Variants in SORCS3 observed in about 807,000 individuals in gnomAD.
The protein encoded by SORCS3 is sortilin related VPS10 domain containing receptor 3.
Under a neutral mutation model 146.3 loss-of-function variants are expected in SORCS3, and 57 were observed. The ratio of observed to expected loss-of-function variants is 0.39; its 90% confidence interval spans 0.31 to 0.49. The LOEUF (loss-of-function observed/expected upper bound fraction) is 0.49, where lower values mean the gene tolerates loss of function less well. Ranked by LOEUF, SORCS3 falls within the 20% of genes least tolerant of loss-of-function variation. The pLI, the probability that SORCS3 is intolerant of heterozygous loss-of-function variation, is 0.92. For synonymous variants in SORCS3, 653 were observed against 618.5 expected (o/e 1.06, Z -0.83); for missense variants, 1,341 against 1,575.5 (o/e 0.85, Z 2.52).
intron 14 of SORCS3, among the ~76,000 whole-genome samples, chr10:105,196,555 A>G (rs1037359715): frequency 8.5e-5 from 13 of 152,234 alleles, no homozygotes; most frequent in African/African-American, 3.1e-4. Flanking sequence ...CAGTGAGCCA[A>G]GATTGCACCA....
chr10:104,942,581 A>G (rs887840186), intron 3 of SORCS3, among the ~76,000 whole-genome samples: 60 of 152,240 alleles, frequency 3.9e-4, no homozygotes, highest in African/African-American at 1.1e-3. Flanking sequence ...CAAAATATAA[A>G]GATAACATAT....
At chr10:105,137,612 G>A (rs1247885942) in intron 7 of SORCS3, among the ~76,000 whole-genome samples, 2 of 152,138 alleles carry the variant, frequency 1.3e-5, no homozygotes, top group African/African-American at 4.8e-5. Flanking sequence ...GCAAATTGTT[G>A]TTAAAAGTCT....
chr10:104,764,955 G>A (rs1369084497), intron 1 of SORCS3, among the ~76,000 whole-genome samples: 1 of 152,180 alleles, frequency 6.6e-6, no homozygotes, highest in Non-Finnish European at 1.5e-5. Flanking sequence ...ATTTGTGCCT[G>A]AAGGCATGAG....
rs147079792 is a variant in SORCS3 at position 105,133,699 on chromosome 10, T to C, written c.1213-5698T>C. 1.7e-3 allele frequency among the ~76,000 whole-genome samples: 262 copies of C among 152,250 alleles called. 2 individuals are homozygous for C. The South Asian group carries it at 0.032, about 19-fold the overall frequency. On this transcript the variant is annotated intron_variant, in intron 7 of 26. Transcript: ENST00000369701. ...GCTCATATCTACAATTCCAGCACTT[T>C]GGGAGGCTGAGGCAGAAGGCTGCTT...
At chr10:104,893,832 C>T (rs1021984927) in intron 2 of SORCS3, among the ~76,000 whole-genome samples, 9 of 152,336 alleles carry the variant, frequency 5.9e-5, no homozygotes, top group Middle Eastern at 3.4e-3. Flanking sequence ...GCTTTCTGCT[C>T]TTCCGAGACT....
At chr10:104,787,918 C>G (rs537921399) in intron 1 of SORCS3, among the ~76,000 whole-genome samples, 1 of 152,160 alleles carries the variant, frequency 6.6e-6, no homozygotes, top group East Asian at 1.9e-4. Flanking sequence ...ATTTTTATGA[C>G]TCCATTTTCT....
At chr10:104,711,326 C>G (rs1224935344) in intron 1 of SORCS3, among the ~76,000 whole-genome samples, 1 of 152,180 alleles carries the variant, frequency 6.6e-6, no homozygotes, top group East Asian at 1.9e-4. Flanking sequence ...GAATGAACAT[C>G]TGTAATTTAC....
At chr10:104,786,172 A>C (rs895434343) in intron 1 of SORCS3, among the ~76,000 whole-genome samples, 1 of 151,782 alleles carries the variant, frequency 6.6e-6, no homozygotes, top group Non-Finnish European at 1.5e-5. Context: ...TTTAGTTTCT[A>C]TATGTCAAGT....
intron 1 of SORCS3, among the ~76,000 whole-genome samples, chr10:104,838,927 G>A (rs143579002): frequency 1.3e-5 from 2 of 152,178 alleles, no homozygotes; most frequent in Non-Finnish European, 1.5e-5. Context: ...AATGGGAGGA[G>A]CACTACCTTG....
At chr10:104,881,735 C>T (rs1589534599) in intron 2 of SORCS3, among the ~76,000 whole-genome samples, 1 of 152,072 alleles carries the variant, frequency 6.6e-6, no homozygotes. Flanking sequence ...TAGTAACTTG[C>T]GTCAAAAACC....
intron 2 of SORCS3, among the ~76,000 whole-genome samples, chr10:104,878,530 G>A (rs1343944441): frequency 2.6e-5 from 4 of 152,108 alleles, no homozygotes; most frequent in African/African-American, 7.2e-5. Flanking sequence ...ATCTTTAATT[G>A]TGTGTGCACA....
At chr10:105,186,030 A>T (rs1436096977) in intron 14 of SORCS3, among the ~76,000 whole-genome samples, 1 of 152,086 alleles carries the variant, frequency 6.6e-6, no homozygotes. Flanking sequence ...CTATTTTCTT[A>T]TCAATGGAAA....
At chr10:104,657,747 T>C (rs1474014097) in intron 1 of SORCS3, among the ~76,000 whole-genome samples, 1 of 152,184 alleles carries the variant, frequency 6.6e-6, no homozygotes, top group Non-Finnish European at 1.5e-5. Flanking sequence ...CTTGTTGGAG[T>C]TGAAATCAAT....
chr10:105,159,126 G>T (rs2056239434), intron 11 of SORCS3, 132 bp downstream of exon 11: 3 of 614,700 alleles, frequency 4.9e-6, no homozygotes, highest in Admixed American at 6.1e-5. Context: ...AAATATGCAG[G>T]GTTCCTCAAT....
intron 5 of SORCS3, among the ~76,000 whole-genome samples, chr10:105,045,726 C>T (rs1028983669): frequency 6.6e-6 from 1 of 152,108 alleles, no homozygotes; most frequent in Admixed American, 6.6e-5. Flanking sequence ...TTCCCTCATC[C>T]ATCTAATGGG....
intron 9 of SORCS3, among the ~76,000 whole-genome samples, chr10:105,148,953 A>G (rs904063852): frequency 1.3e-5 from 2 of 152,152 alleles, no homozygotes; most frequent in East Asian, 1.9e-4. Flanking sequence ...TAGTTTTCAC[A>G]TACTGTTCTC....
intron 3 of SORCS3, among the ~76,000 whole-genome samples, chr10:104,940,779 G>T (rs1238348188): frequency 6.6e-6 from 1 of 152,062 alleles, no homozygotes; most frequent in Non-Finnish European, 1.5e-5. Context: ...TCATGGATAA[G>T]AAGAATCAAT....
intron 2 of SORCS3, among the ~76,000 whole-genome samples, chr10:104,895,095 G>A (rs1297376823): frequency 6.6e-6 from 1 of 152,212 alleles, no homozygotes; most frequent in Non-Finnish European, 1.5e-5. Context: ...TCAGGGGATG[G>A]TGGAGTACCA....
At chr10:104,744,225 A>C (rs938229832) in intron 1 of SORCS3, among the ~76,000 whole-genome samples, 7 of 152,184 alleles carry the variant, frequency 4.6e-5, no homozygotes, top group Non-Finnish European at 1.0e-4. Flanking sequence ...TGCTTAAAAA[A>C]CAATAATGAA....
Sources: allele counts gnomAD v4.1 joint callset (sites outside exome capture counted in the v4.1 genomes callset), GRCh38; gene constraint gnomAD v4.1.1; transcripts MANE v1.5; gene names NCBI Gene and HGNC (gene_info 2026-07-23, HGNC 2026-07-21).